PHTF2: variants seen among roughly 807,000 people sequenced by gnomAD.
The protein encoded by PHTF2 is putative homeodomain transcription factor 2.
In PHTF2, 60 loss-of-function variants were observed where a neutral mutation model predicts 101.2. The observed-to-expected ratio is 0.59, with a 90% CI of 0.48 to 0.73. The LOEUF (loss-of-function observed/expected upper bound fraction) is 0.73. Ranked by LOEUF, PHTF2 falls within the 30% of genes least tolerant of loss-of-function variation. The probability of loss-of-function intolerance (pLI) is 0.00; values close to 1 mark genes in which losing one functional copy is unlikely to be tolerated. For synonymous variants in PHTF2, 311 were observed against 307.3 expected, an observed-to-expected ratio of 1.01 and a Z score of -0.13; for missense variants, 747 against 908.7, an observed-to-expected ratio of 0.82 and a Z score of 2.29.
chr7:77,827,545 G>A (rs1344606446), intron 1 of PHTF2, among the ~76,000 whole-genome samples: 1 of 151,794 alleles, frequency 6.6e-6, no homozygotes, highest in African/African-American at 2.4e-5. Context: ...GTAGAGATGG[G>A]GTTTCACCAT....
intron 5 of PHTF2, among the ~76,000 whole-genome samples, chr7:77,894,453 T>A (rs2150804272): frequency 6.6e-6 from 1 of 152,354 alleles, no homozygotes; most frequent in East Asian, 1.9e-4. Context: ...CCAGTGTCTA[T>A]AGTTACTAAA....
chr7:77,805,894 G>A (rs1289367212), intron 1 of PHTF2, among the ~76,000 whole-genome samples: 1 of 152,222 alleles, frequency 6.6e-6, no homozygotes, highest in Non-Finnish European at 1.5e-5. Context: ...GTCAAACAAG[G>A]TTGGGTGGAG....
intron 9 of PHTF2, among the ~76,000 whole-genome samples, chr7:77,911,057 C>A (rs1056248581): frequency 6.6e-6 from 1 of 151,968 alleles, no homozygotes; most frequent in African/African-American, 2.4e-5. Context: ...TAAGTTCTTG[C>A]CTCAATTATC....
intron 3 of PHTF2, among the ~76,000 whole-genome samples, chr7:77,884,038 A>G (rs1050971677): frequency 6.6e-6 from 1 of 152,202 alleles, no homozygotes; most frequent in African/African-American, 2.4e-5. Context: ...TACCTTGTCC[A>G]TGTCCATGAG....
chr7:77,848,738 G>A (rs867014680), intron 2 of PHTF2, among the ~76,000 whole-genome samples: 4 of 152,030 alleles, frequency 2.6e-5, no homozygotes, highest in South Asian at 2.1e-4. Context: ...TTTTTACTTT[G>A]GTTGCCTGTG....
At chr7:77,854,659 C>G in intron 2 of PHTF2, 1 of 689,646 alleles carries the variant, frequency 1.5e-6, no homozygotes, top group South Asian at 1.5e-5. Context: ...ATGCTGTATT[C>G]TGCTGCAGTT....
chr7:77,887,519 A>G (rs1296043457), intron 3 of PHTF2, among the ~76,000 whole-genome samples: 1 of 152,136 alleles, frequency 6.6e-6, no homozygotes, highest in Non-Finnish European at 1.5e-5. Context: ...TGATGTTTGT[A>G]TCTTAAGACT....
intron 1 of PHTF2, among the ~76,000 whole-genome samples, chr7:77,804,983 A>G (rs916078057): frequency 1.3e-5 from 2 of 152,212 alleles, no homozygotes; most frequent in Non-Finnish European, 2.9e-5. Flanking sequence ...TAAATATTTG[A>G]TCCTTCCATG....
intron 16 of PHTF2, among the ~76,000 whole-genome samples, chr7:77,947,235 C>T (rs897517105): frequency 3.9e-5 from 6 of 152,068 alleles, no homozygotes; most frequent in African/African-American, 1.2e-4. Context: ...TATGGAGAAA[C>T]AGGATAAAAC....
chr7:77,855,149 T>C (rs995689353), intron 3 of PHTF2, among the ~76,000 whole-genome samples: 4 of 152,198 alleles, frequency 2.6e-5, no homozygotes, highest in African/African-American at 9.7e-5. Flanking sequence ...CACTTATGTG[T>C]ATTCAAGACC....
At chr7:77,854,681 C>G in intron 2 of PHTF2, 1 of 698,584 alleles carries the variant, frequency 1.4e-6, no homozygotes, top group East Asian at 2.7e-5. Context: ...TGTTGGCACC[C>G]AAGCCACAAG....
At chr7:77,866,699 A>G (rs1223008466) in intron 3 of PHTF2, among the ~76,000 whole-genome samples, 1 of 152,198 alleles carries the variant, frequency 6.6e-6, no homozygotes, top group East Asian at 1.9e-4. Flanking sequence ...AATAGCAATA[A>G]TATGTTAGGT....
intron 1 of PHTF2, among the ~76,000 whole-genome samples, chr7:77,830,998 G>T (rs1795037463): frequency 1.3e-5 from 2 of 152,226 alleles, no homozygotes; most frequent in African/African-American, 4.8e-5. Context: ...CCAATGATGA[G>T]ACAGCAGAAG....
At chr7:77,908,799 C>T in exon 8 of PHTF2, 1 of 1,573,318 alleles carries the variant, frequency 6.4e-7, no homozygotes, top group South Asian at 1.2e-5. Flanking sequence ...ATAGTTGCTG[C>T]AATAGTATTA....
intron 3 of PHTF2, among the ~76,000 whole-genome samples, chr7:77,888,907 G>T (rs1046306535): frequency 1.3e-5 from 2 of 152,080 alleles, no homozygotes; most frequent in Admixed American, 1.3e-4. Context: ...TAAAGCAGAA[G>T]GGGAAAGTGC....
intron 2 of PHTF2, among the ~76,000 whole-genome samples, chr7:77,850,391 G>A (rs1373473648): frequency 1.6e-5 from 2 of 122,160 alleles, no homozygotes; most frequent in Non-Finnish European, 3.3e-5. Context: ...AAAAAGGCAC[G>A]ATGGCTCACA....
In PHTF2 at chr7:77,809,224, G is replaced by GTTTTTTTTTTT. The variant is rs34141515; in HGVS notation, c.-36+10263_-36+10273dup. ...TTTTCCTATATAAACCCAGTTCGTT[G>GTTTTTTTTTTT]TTTTTTTTTTTTTTTTTTTTGAGAT... On this transcript the variant is annotated intron_variant, in intron 1 of 19. Coordinates refer to ENST00000416283, the Ensembl canonical transcript of PHTF2. Among the ~76,000 whole-genome samples, 516 of 98,458 alleles carry GTTTTTTTTTTT rather than the reference G, an allele frequency of 5.2e-3. 29 individuals are homozygous for GTTTTTTTTTTT. Among genetic ancestry groups the GTTTTTTTTTTT allele is most frequent in the African/African-American group, 0.014 (322 of 22,334 alleles). 64.6% of individuals were successfully genotyped at this position (98,458 alleles called of 152,430 possible).
intron 1 of PHTF2, among the ~76,000 whole-genome samples, chr7:77,810,539 A>AT (rs1315187768): frequency 1.3e-5 from 2 of 151,664 alleles, no homozygotes; most frequent in Non-Finnish European, 2.9e-5. Context: ...GTGACCTCCC[A>AT]TTTTTTTTCT....
chr7:77,843,449 G>A (rs1584464757), intron 2 of PHTF2, among the ~76,000 whole-genome samples: 1 of 152,162 alleles, frequency 6.6e-6, no homozygotes, highest in Non-Finnish European at 1.5e-5. Context: ...ATACTGAATA[G>A]ATTGTTCTTA....
Sources: gnomAD v4.1 joint callset for allele counts (sites outside exome capture counted in the v4.1 genomes callset) on GRCh38, gnomAD v4.1.1 for gene constraint, MANE v1.5 for transcripts, NCBI Gene and HGNC (gene_info 2026-07-23, HGNC 2026-07-21) for gene names.